The following CASP8 variants were observed in gnomAD, a reference collection of about 807,000 sequenced individuals.
CASP8 encodes caspase-8.
Under a neutral mutation model 46.3 loss-of-function variants are expected in CASP8, and 24 were observed. The ratio of observed to expected loss-of-function variants is 0.52; its 90% CI spans 0.38 to 0.73. The LOEUF (loss-of-function observed/expected upper bound fraction) is 0.73. Among genes scored for constraint, CASP8 ranks in the 30% least tolerant of loss-of-function variants. The pLI is 0.00. For synonymous variants in CASP8, 188 were observed against 200.4 expected, an observed-to-expected ratio of 0.94 and a Z score of 0.52; for missense variants, 460 against 559.0, an observed-to-expected ratio of 0.82 and a Z score of 1.79.
intron 2 of CASP8, among the ~76,000 whole-genome samples, chr2:201,247,316 T>C (rs895582045): frequency 2.6e-5 from 4 of 151,938 alleles, no homozygotes; most frequent in African/African-American, 9.7e-5. Context: ...ACTTTTCTTT[T>C]AACTGCATGT....
chr2:201,258,994 C>CAAGT (rs10635401), upstream of CASP8, among the ~76,000 whole-genome samples: 99,717 of 151,586 alleles, frequency 0.66, 33,103 homozygotes, highest in South Asian at 0.78. Context: ...CGATCTCAGG[C>CAAGT]AAGTAATTCC....
chr2:201,251,706 C>A (rs571043255), intron 2 of CASP8, among the ~76,000 whole-genome samples: 1 of 151,618 alleles, frequency 6.6e-6, no homozygotes, highest in South Asian at 2.1e-4. Context: ...AGTTTAACAC[C>A]AGCCCGACCA....
At chr2:201,267,068 C>T (rs529387945) in intron 2 of CASP8, among the ~76,000 whole-genome samples, 25 of 151,882 alleles carry the variant, frequency 1.6e-4, no homozygotes, top group Admixed American at 1.0e-3. Flanking sequence ...GATGTCCCAC[C>T]GGAGCCAGAT....
intron 7 of CASP8, chr2:201,277,637 G>T (rs1435884763): frequency 5.2e-6 from 2 of 383,176 alleles, no homozygotes; most frequent in Non-Finnish European, 1.0e-5. Context: ...GCAAATGGAG[G>T]TAAGTTTAGA....
intron 1 of CASP8, among the ~76,000 whole-genome samples, chr2:201,264,669 G>A (rs1003174997): frequency 1.1e-4 from 16 of 152,078 alleles, no homozygotes; most frequent in African/African-American, 3.6e-4. Context: ...AGCAGCCTGA[G>A]ACAGTAGCCA....
chr2:201,258,138 G>C, upstream of CASP8: 2 of 1,403,146 alleles, frequency 1.4e-6, no homozygotes, highest in South Asian at 2.3e-5. Context: ...TTCTGCTGGA[G>C]GGAAGTGTTT....
At chr2:201,263,757 A>C (rs1576292494) in intron 1 of CASP8, among the ~76,000 whole-genome samples, 1 of 152,240 alleles carries the variant, frequency 6.6e-6, no homozygotes, top group East Asian at 1.9e-4. Context: ...TTGTAAAGAC[A>C]GTTGACCTAA....
At chr2:201,275,692 G>C (rs1346331518) in intron 6 of CASP8, among the ~76,000 whole-genome samples, 1 of 152,178 alleles carries the variant, frequency 6.6e-6, no homozygotes, top group Non-Finnish European at 1.5e-5. Context: ...CCCCACTGAA[G>C]AGCTAAAAAC....
At chr2:201,234,510 C>T (rs1377789424) in intron 2 of CASP8, among the ~76,000 whole-genome samples, 1 of 151,796 alleles carries the variant, frequency 6.6e-6, no homozygotes, top group African/African-American at 2.4e-5. Flanking sequence ...AGTGCAGTGG[C>T]GCGATCTCAG....
intron 7 of CASP8, chr2:201,281,729 T>G: frequency 1.8e-6 from 1 of 565,372 alleles, no homozygotes; most frequent in Admixed American, 3.2e-5. Context: ...ATTTTTAAAA[T>G]TGGTTCAGTA....
In CASP8 at chr2:201,266,528, G is replaced by A. The variant is rs755684176; in HGVS notation, c.42G>A (p.Leu14=). The change falls in exon 2 of 9, where the codon CTG becomes CTA. Residue 14 remains leucine, a synonymous_variant. Transcript: ENST00000673742. This position sits in a 1 kb window ranked among gnomAD's most constrained non-coding sequence, Gnocchi z 5.7. ...SRNLYDIGEQ[L]DSEDLASLKF... ...ATCTTTATGATATTGGGGAACAACT[G>A]GACAGTGAAGATCTGGCCTCCCTCA... 1.2e-6 allele frequency: 2 copies of A among 1,614,130 alleles called. No homozygotes were observed. Among genetic ancestry groups the A allele is most frequent in the Non-Finnish European group, 1.7e-6 (2 of 1,179,974 alleles).
intron 2 of CASP8, among the ~76,000 whole-genome samples, chr2:201,245,294 G>A (rs1471778673): frequency 2.0e-5 from 3 of 151,530 alleles, no homozygotes; most frequent in Non-Finnish European, 2.9e-5. Flanking sequence ...CACCCAGGTT[G>A]GAGTGCAGTG....
chr2:201,272,621 A>AT lies in CASP8; in HGVS notation c.412-14dup. 1 of 1,613,902 alleles carries AT rather than the reference A, an allele frequency of 6.2e-7. No homozygotes were observed. The highest frequency in any genetic ancestry group is 1.1e-5 in the South Asian group (1 of 91,068). ...GGGCTCAATCCAGATTCCCAACTTT[A>AT]TTTCTCCTCCTCTTAGAACCTGCTG... is the stretch of plus-strand genomic sequence containing the variant. On this transcript the variant is annotated splice_polypyrimidine_tract_variant and intron_variant, in intron 3 of 8. Coordinates refer to ENST00000673742, the MANE Select transcript of CASP8 (RefSeq NM_001372051.1). The surrounding 1 kb of genome is among the most constrained non-coding windows in gnomAD (Gnocchi z 4.4).
Position 201,272,627 on chromosome 2 carries a change from C to T in CASP8, c.412-11C>T, listed in dbSNP as rs771524139. ...AATCCAGATTCCCAACTTTATTTCT[C>T]CTCCTCTTAGAACCTGCTGGATATT... On this transcript the variant is annotated splice_polypyrimidine_tract_variant and intron_variant, in intron 3 of 8. Coordinates refer to ENST00000673742, the MANE Select transcript of CASP8 (RefSeq NM_001372051.1). This position sits in a 1 kb window ranked among gnomAD's most constrained non-coding sequence, Gnocchi z 4.4. The T allele has an allele frequency of 6.2e-7, 1 of 1,613,952 alleles. No individual in the cohort carries two copies.
chr2:201,257,648 C>T (rs1947089759), upstream of CASP8, among the ~76,000 whole-genome samples: 1 of 152,106 alleles, frequency 6.6e-6, no homozygotes, highest in South Asian at 2.1e-4. Flanking sequence ...CAGGGCTGAG[C>T]CGAGCAGGGC....
intron 1 of CASP8, among the ~76,000 whole-genome samples, chr2:201,265,657 C>T (rs981416966): frequency 3.3e-5 from 5 of 152,138 alleles, no homozygotes; most frequent in East Asian, 1.9e-4. Flanking sequence ...AAAGCCTAAA[C>T]CCCTCGCCCC....
intron 7 of CASP8, among the ~76,000 whole-genome samples, chr2:201,280,797 A>G (rs1275501395): frequency 2.0e-5 from 3 of 152,228 alleles, no homozygotes; most frequent in Non-Finnish European, 4.4e-5. Flanking sequence ...CTGGATGGAA[A>G]GTTTTCCAGG....
chr2:201,239,347 G>A lies in CASP8; in HGVS notation c.-27+5235G>A, dbSNP rs1016484270. Among the ~76,000 whole-genome samples the A allele has an allele frequency of 2.0e-5, 3 of 152,142 alleles. No individual in the cohort carries two copies. In the South Asian group the frequency reaches 6.2e-4, roughly 31 times the overall value. ...CCTCACCTCCCAGTAGGGGCGGCCG[G>A]GCAGAGGCGCCCCTCATCTCCCAGA... On this transcript the variant is annotated intron_variant, in intron 2 of 6. Transcript: ENST00000264274.
At chr2:201,269,557 A>G in intron 2 of CASP8, 2 of 1,613,646 alleles carry the variant, frequency 1.2e-6, no homozygotes, top group Admixed American at 1.7e-5. Context: ...AGCCAGTGCC[A>G]GACACAGTCT....
Sources: gnomAD v4.1 joint callset for allele counts (sites outside exome capture counted in the v4.1 genomes callset) on GRCh38, gnomAD v4.1.1 for gene constraint, Gnocchi (gnomAD v3.1) non-coding constraint, MANE v1.5 for transcripts, NCBI Gene and HGNC (gene_info 2026-07-23, HGNC 2026-07-21) for gene names.